RIF1: variants seen among roughly 807,000 people sequenced by gnomAD.
RIF1 encodes the protein telomere-associated protein RIF1.
Under a neutral mutation model 247.1 loss-of-function variants are expected in RIF1, and 45 were observed. The ratio of observed to expected loss-of-function variants is 0.18; its 90% CI spans 0.14 to 0.23. The LOEUF is 0.23. Among genes scored for constraint, RIF1 ranks in the 10% least tolerant of loss-of-function variants. The pLI, the probability that RIF1 is intolerant of heterozygous loss-of-function variation, is 1.00. For missense variants in RIF1, 2,967 were observed against 2,862.5 expected (o/e 1.04, Z -0.83); for synonymous variants, 1,087 against 978.8 (o/e 1.11, Z -2.06).
At chr2:151,527,852 C>T in the RIF1 span, among the ~76,000 whole-genome samples, 167 of 152,286 alleles carry the variant, frequency 1.1e-3, no homozygotes, top group African/African-American at 3.8e-3. Flanking sequence ...TCTAGTTCTG[C>T]CAGTCCAGCC....
At chr2:151,526,001 C>T in the RIF1 span, 3 of 1,613,832 alleles carry the variant, frequency 1.9e-6, no homozygotes, top group African/African-American at 1.3e-5. Flanking sequence ...AACAGTGTCC[C>T]GGGTCTCTGG....
chr2:151,421,340 C>CA (rs1377986261), intron 7 of RIF1, among the ~76,000 whole-genome samples: 1 of 152,114 alleles, frequency 6.6e-6, no homozygotes, highest in Admixed American at 6.5e-5. Context: ...GATTTGAAGG[C>CA]AGAGTAGGAG....
intron 9 of RIF1, among the ~76,000 whole-genome samples, chr2:151,487,175 C>T (rs543644491): frequency 2.0e-5 from 3 of 152,172 alleles, no homozygotes; most frequent in South Asian, 4.2e-4. Context: ...ATTTGAAAAC[C>T]CGTAGCACTA....
intron 21 of RIF1, among the ~76,000 whole-genome samples, chr2:151,453,521 G>T (rs1694679632): frequency 6.9e-6 from 1 of 145,430 alleles, no homozygotes; most frequent in South Asian, 2.2e-4. Context: ...AGGTTGCAGT[G>T]AGCTGAGATC....
rs187497709 is a variant in RIF1, at chr2:151,470,347, T to C, written c.7095+483T>C. ...TATAATTTCAGAAGGATTCACAGAC[T>C]ACTGAAACCCATTCAGAGACCCTCT... On this transcript the variant is annotated intron_variant, in intron 34 of 35. Coordinates refer to ENST00000444746, the MANE Select transcript of RIF1 (RefSeq NM_018151.5). Among the ~76,000 whole-genome samples the C allele has an allele frequency of 3.8e-3, 584 of 152,272 alleles. 5 individuals carry two copies. The highest frequency in any genetic ancestry group is 6.7e-3 in the Non-Finnish European group (454 of 67,968).
In RIF1 at chr2:151,457,972, A is replaced by G; in HGVS notation, c.2855+9A>G. On this transcript the variant is annotated intron_variant, in intron 24 of 35. Transcript: ENST00000444746. The stretch of plus-strand genomic sequence containing the variant: ...TATCCTGAAGAGTTAAAGTATGCTA[A>G]CAACAAAACTTATATACAACTAACT... 6.2e-7 allele frequency: 1 copy of G among 1,600,046 alleles called. No individual in the cohort carries two copies. Among genetic ancestry groups the G allele is most frequent in the Non-Finnish European group, 8.6e-7 (1 of 1,167,704 alleles).
At chr2:151,438,034 G>A (rs1269320660) in intron 13 of RIF1, among the ~76,000 whole-genome samples, 1 of 152,130 alleles carries the variant, frequency 6.6e-6, no homozygotes, top group African/African-American at 2.4e-5. Flanking sequence ...TTTTCTATTG[G>A]TTGTTAGATA....
chr2:151,457,870 T>C lies in RIF1; in HGVS notation c.2762T>C (p.Leu921Pro). Reference sequence around the variant, plus strand: ...TCCCCACTATTATGCATAATATTTCTGCACAAGAATAAACAGATTCGAAAA... The same window carrying C: ...TCCCCACTATTATGCATAATATTTCCGCACAAGAATAAACAGATTCGAAAA... ...QLSPLLCIIFLHKNKQIRKQS... is the reference protein window; with the variant it reads ...QLSPLLCIIFPHKNKQIRKQS... Residue 921 changes from leucine to proline, a missense_variant, in exon 24 of 36, where the codon CTG (leucine) becomes CCG (proline). By Grantham distance (98) the Leu-to-Pro change is moderately conservative. Around this residue, in one of 7 missense-constraint regions of RIF1, gnomAD observed 2,028 missense variants for 1,825.6 expected, o/e 1.11. Coordinates refer to ENST00000444746, the MANE Select transcript of RIF1 (RefSeq NM_018151.5). 1.2e-6 allele frequency: 2 copies of C among 1,613,810 alleles called. No individual in the cohort carries two copies. Among genetic ancestry groups the C allele is most frequent in the Middle Eastern group, 1.7e-4 (1 of 6,056 alleles).
At chr2:151,424,208 A>G (rs895600533) in intron 8 of RIF1, among the ~76,000 whole-genome samples, 2 of 152,068 alleles carry the variant, frequency 1.3e-5, no homozygotes, top group African/African-American at 2.4e-5. Context: ...GGTTCATGCA[A>G]TTCTCCTGCC....
intron 6 of RIF1, among the ~76,000 whole-genome samples, chr2:151,417,254 A>G (rs1687363142): frequency 6.6e-6 from 1 of 152,220 alleles, no homozygotes; most frequent in Admixed American, 6.5e-5. Context: ...GTCAGTGTTT[A>G]GCAGGGAATA....
rs747361697 is a variant in RIF1 at position 151,428,768 on chromosome 2, T to A, written c.787-16T>A. ...TGCAGATAAATAACTTCTTAATGAT[T>A]TTTTCCCCTTTTTAGACCTTGCATC... On this transcript the variant is annotated splice_polypyrimidine_tract_variant and intron_variant, in intron 8 of 35. Coordinates refer to ENST00000444746, the MANE Select transcript of RIF1 (RefSeq NM_018151.5). 4 of 1,581,618 alleles carry A rather than the reference T, an allele frequency of 2.5e-6. No homozygotes were observed. In the South Asian group the frequency reaches 3.3e-5, roughly 13 times the overall value.
At chr2:151,418,005 A>G (rs1345394816) in intron 6 of RIF1, among the ~76,000 whole-genome samples, 1 of 152,200 alleles carries the variant, frequency 6.6e-6, no homozygotes, top group Non-Finnish European at 1.5e-5. Flanking sequence ...AAAAGATTAA[A>G]AAATGGTACA....
At chr2:151,523,260 G>T in the RIF1 span, among the ~76,000 whole-genome samples, 1 of 152,044 alleles carries the variant, frequency 6.6e-6, no homozygotes. Context: ...ATGTTACATA[G>T]GAATTTTAAG....
Position 151,465,264 on chromosome 2 carries a change from A to T in RIF1, c.5744A>T (p.Lys1915Ile), listed in dbSNP as rs1224363350. 1 of 1,610,990 alleles carries T rather than the reference A, an allele frequency of 6.2e-7. No homozygotes were observed. Among genetic ancestry groups the T allele is most frequent in the East Asian group, 2.2e-5 (1 of 44,858 alleles). ...ACAGAATCCAATCTAGAGAAAGCAA[A>T]AACTATGGAATTGAATGTAGGAAAT... ...KVTESNLEKA[K>I]TMELNVGNEA... The change falls in exon 30 of 36, where the codon AAA becomes ATA. Residue 1915 changes from lysine (K) to isoleucine (I), a missense_variant. Lys to Ile is a moderately radical substitution (Grantham distance 102, BLOSUM62 -3). Transcript: ENST00000444746.
At chr2:151,491,548 A>G in intron 9 of RIF1, 1 of 762,394 alleles carries the variant, frequency 1.3e-6, no homozygotes, top group Non-Finnish European at 2.2e-6. Flanking sequence ...TTAACAAGGT[A>G]TTTTTATGCC....
rs1553555882 is a variant in RIF1, at chr2:151,498,274, C to CTTGA, written c.*514-1067_*514-1064dup. 8 of 1,551,428 alleles carry CTTGA rather than the reference C, an allele frequency of 5.2e-6. No homozygotes were observed. The Admixed American group carries it at 5.9e-5, about 11-fold the overall frequency. ...TTCCAAAATACCGAGCTAAGGTTTT[C>CTTGA]TTGATTGTGTTTGACTCTCTGCATC... On this transcript the variant is annotated intron_variant and NMD_transcript_variant, in intron 10 of 13. Coordinates refer to the RIF1 transcript ENST00000454583.
rs1696593052 is a variant in RIF1, at chr2:151,464,253, A to G, written c.4733A>G (p.Glu1578Gly). 1.2e-6 allele frequency: 2 copies of G among 1,613,856 alleles called. No homozygotes were observed. Among genetic ancestry groups the G allele is most frequent in the Middle Eastern group, 1.6e-4 (1 of 6,082 alleles). The change falls in exon 30 of 36, where the codon GAA (glutamate) becomes GGA (glycine). Residue 1578 changes from glutamate (E) to glycine (G), a missense_variant. Transcript: ENST00000444746. ...GGAAAATGGAAAAACAAAAGCAATG[A>G]AAGTGTTGACATTCAAGATCAAGAA... Reference protein sequence around the residue: ...RSGKWKNKSNESVDIQDQEEK... With the variant: ...RSGKWKNKSNGSVDIQDQEEK...
intron 21 of RIF1, among the ~76,000 whole-genome samples, chr2:151,452,520 GAATTT>G (rs1311950329): frequency 8.6e-5 from 13 of 151,932 alleles, no homozygotes; most frequent in Non-Finnish European, 1.8e-4. Flanking sequence ...TTTGGTTTTT[GAATTT>G]TTACTAAGTA....
chr2:151,451,583 A>G, intron 20 of RIF1, 23 bp from the exon 21 acceptor site: 1 of 1,109,470 alleles, frequency 9.0e-7, no homozygotes, highest in Non-Finnish European at 1.4e-6. Flanking sequence ...GAATGTTTCT[A>G]ACAGTGGTAC....
Sources: gnomAD v4.1 joint callset for allele counts (sites outside exome capture counted in the v4.1 genomes callset) on GRCh38, gnomAD v4.1.1 for gene constraint, gnomAD v4.1.1 regional missense constraint, MANE v1.5 for transcripts, NCBI Gene and HGNC (gene_info 2026-07-23, HGNC 2026-07-21) for gene names.